Variants in MYT1L observed in about 807,000 individuals in gnomAD.
MYT1L encodes myelin transcription factor 1-like protein.
MYT1L carries 12 observed loss-of-function variants against 126.7 expected under a neutral mutation model. The observed-to-expected ratio is 0.09, with a 90% CI of 0.06 to 0.15. The LOEUF (loss-of-function observed/expected upper bound fraction) is 0.15, where lower values mean the gene tolerates loss of function less well. Among genes scored for constraint, MYT1L ranks in the 10% least tolerant of loss-of-function variants. MYT1L has a pLI of 1.00. For synonymous variants in MYT1L, 541 were observed against 604.2 expected (o/e 0.90, Z 1.53); for missense variants, 979 against 1,585.2 (o/e 0.62, Z 6.49).
chr2:1,974,027 C>T (rs1033044695), intron 8 of MYT1L, among the ~76,000 whole-genome samples: 5 of 152,224 alleles, frequency 3.3e-5, no homozygotes, highest in Admixed American at 6.5e-5. Flanking sequence ...CATCTATCCA[C>T]AAAACAATAG....
Position 2,019,100 on chromosome 2 carries a change from C to A in MYT1L, c.-157-21753G>T, listed in dbSNP as rs139176245. Among the ~76,000 whole-genome samples, 3 of 152,254 alleles carry A rather than the reference C, an allele frequency of 2.0e-5. No individual in the cohort carries two copies. The East Asian group carries it at 5.8e-4, about 29-fold the overall frequency. ...GACTTATGTAAGGTCAAGTAACATG[C>A]CCGATATGGTTTCGCTGTGTCCCCA... On this transcript the variant is annotated intron_variant, in intron 4 of 24. Coordinates refer to ENST00000647738, the MANE Select transcript of MYT1L (RefSeq NM_001303052.2).
chr2:2,194,897 A>T (rs2092732525), intron 2 of MYT1L, among the ~76,000 whole-genome samples: 1 of 152,248 alleles, frequency 6.6e-6, no homozygotes, highest in Non-Finnish European at 1.5e-5. Context: ...AAATGCTATA[A>T]AGAGTCTTAG....
At chr2:2,282,242 G>A (rs1364350064) in intron 2 of MYT1L, among the ~76,000 whole-genome samples, 1 of 152,178 alleles carries the variant, frequency 6.6e-6, no homozygotes, top group Non-Finnish European at 1.5e-5. Context: ...ATTGCACGTA[G>A]TAGGCACTTC....
chr2:2,120,307 G>C (rs1340226224), intron 3 of MYT1L, among the ~76,000 whole-genome samples: 1 of 152,102 alleles, frequency 6.6e-6, no homozygotes, highest in Non-Finnish European at 1.5e-5. Flanking sequence ...ACACCTTAAA[G>C]CTGGGGATGA....
At chr2:1,867,747 A>G (rs1037128828) in intron 18 of MYT1L, among the ~76,000 whole-genome samples, 18 of 152,142 alleles carry the variant, frequency 1.2e-4, no homozygotes, top group African/African-American at 4.3e-4. Context: ...CCGATTAGAT[A>G]TAGATATGCT....
intron 4 of MYT1L, among the ~76,000 whole-genome samples, chr2:2,028,378 T>C (rs1245236682): frequency 2.0e-5 from 3 of 152,138 alleles, no homozygotes; most frequent in Non-Finnish European, 1.5e-5. Context: ...GATTGAAACT[T>C]TGGGGGCAGA....
chr2:2,020,588 T>G (rs1236364364), intron 4 of MYT1L, among the ~76,000 whole-genome samples: 1 of 152,240 alleles, frequency 6.6e-6, no homozygotes, highest in Non-Finnish European at 1.5e-5. Context: ...TCATCTTTAT[T>G]ACATTGTTTA....
At chr2:2,066,805 C>T (rs2073937231) in intron 3 of MYT1L, among the ~76,000 whole-genome samples, 1 of 152,202 alleles carries the variant, frequency 6.6e-6, no homozygotes, top group African/African-American at 2.4e-5. Context: ...GAAGCCTTGG[C>T]AGTCAGGGTG....
intron 21 of MYT1L, among the ~76,000 whole-genome samples, chr2:1,813,640 G>C (rs1382748439): frequency 1.3e-5 from 2 of 152,140 alleles, no homozygotes; most frequent in Non-Finnish European, 2.9e-5. Context: ...GCGCCTGCGA[G>C]GGGGTCCGGG....
intron 3 of MYT1L, among the ~76,000 whole-genome samples, chr2:2,113,495 T>G (rs2079765920): frequency 6.6e-6 from 1 of 152,152 alleles, no homozygotes. Flanking sequence ...ACTTTACCAC[T>G]GCATGCAGGG....
rs891252599 is a variant in MYT1L, at chr2:2,276,035, T to C, written c.-421+8369A>G. 7.2e-5 allele frequency among the ~76,000 whole-genome samples: 11 copies of C among 152,278 alleles called. No individual in the cohort carries two copies. In the East Asian group the frequency reaches 9.7e-4, roughly 13 times the overall value. ...TGCTTTATGGAGTTGTGTTTTTTTA[T>C]TCATCTGTTGTGTTTCTTGGTGGAA... On this transcript the variant is annotated intron_variant, in intron 2 of 24. Coordinates refer to ENST00000647738, the MANE Select transcript of MYT1L (RefSeq NM_001303052.2).
chr2:1,792,467 G>A lies in MYT1L; in HGVS notation c.3277-3C>T. The A allele has an allele frequency of 6.2e-7, 1 of 1,612,852 alleles. No individual in the cohort carries two copies. The stretch of plus-strand genomic sequence containing the variant: ...AGGTTGCTCTCCATCGTGGTAATCT[G>A]AAACGCACAAGTGTGCGTGACATGT... On this transcript the variant is annotated splice_polypyrimidine_tract_variant and splice_region_variant and intron_variant, in intron 23 of 24. Transcript: ENST00000647738.
chr2:2,106,640 A>G (rs1050180849), intron 3 of MYT1L, among the ~76,000 whole-genome samples: 1 of 152,140 alleles, frequency 6.6e-6, no homozygotes, highest in Non-Finnish European at 1.5e-5. Flanking sequence ...ATAAATACAT[A>G]AATAAATAAA....
At chr2:2,291,951 G>GACAGCCC (rs2095606096) in intron 1 of MYT1L, among the ~76,000 whole-genome samples, 1 of 152,222 alleles carries the variant, frequency 6.6e-6, no homozygotes, top group African/African-American at 2.4e-5. Context: ...AGGAGCGCTC[G>GACAGCCC]ACAGCCCGCA....
intron 4 of MYT1L, among the ~76,000 whole-genome samples, chr2:2,032,167 T>C (rs2915709): frequency 6.2e-4 from 45 of 72,008 alleles, no homozygotes; most frequent in Admixed American, 1.3e-3. Flanking sequence ...ACACACCCGT[T>C]GCCAGTGCCT....
intron 1 of MYT1L, among the ~76,000 whole-genome samples, chr2:2,300,082 G>A (rs1034250758): frequency 2.6e-4 from 39 of 152,122 alleles, no homozygotes; most frequent in Admixed American, 2.1e-3. Context: ...CACAAAACAA[G>A]ATTCCATAAA....
intron 1 of MYT1L, among the ~76,000 whole-genome samples, chr2:2,305,118 G>C (rs2095842050): frequency 1.3e-5 from 2 of 152,140 alleles, no homozygotes; most frequent in Non-Finnish European, 2.9e-5. Context: ...ATTTGGACTT[G>C]CTTTGGAGAT....
chr2:2,299,557 C>T (rs969449379), intron 1 of MYT1L, among the ~76,000 whole-genome samples: 6 of 152,214 alleles, frequency 3.9e-5, no homozygotes, highest in Admixed American at 1.3e-4. Context: ...ACTCAAGATA[C>T]GCAACTAGAG....
chr2:2,080,861 T>G (rs944297754), intron 3 of MYT1L, among the ~76,000 whole-genome samples: 1 of 152,296 alleles, frequency 6.6e-6, no homozygotes, highest in Middle Eastern at 3.4e-3. Flanking sequence ...ATAATGAAAA[T>G]GTGTCTACAT....
Sources: gnomAD v4.1 joint callset for allele counts (sites outside exome capture counted in the v4.1 genomes callset) on GRCh38, gnomAD v4.1.1 for gene constraint, MANE v1.5 for transcripts, NCBI Gene and HGNC (gene_info 2026-07-23, HGNC 2026-07-21) for gene names.